Variants in RIMS4 observed in about 807,000 individuals in gnomAD.
RIMS4 encodes regulating synaptic membrane exocytosis protein 4.
Under a neutral mutation model 29.0 loss-of-function variants are expected in RIMS4, and 9 were observed. That is an observed-to-expected ratio of 0.31 (90% CI 0.19 to 0.54). The LOEUF is 0.54. Ranked by LOEUF, RIMS4 falls within the 20% of genes least tolerant of loss-of-function variation. The pLI, the probability that RIMS4 is intolerant of heterozygous loss-of-function variation, is 0.94. For missense variants in RIMS4, 193 were observed against 365.7 expected, an observed-to-expected ratio of 0.53 and a Z score of 3.85; for synonymous variants, 130 against 152.9, an observed-to-expected ratio of 0.85 and a Z score of 1.10.
chr20:44,789,225 G>A (rs1779938073), intron 1 of RIMS4, among the ~76,000 whole-genome samples: 1 of 152,204 alleles, frequency 6.6e-6, no homozygotes, highest in South Asian at 2.1e-4. Flanking sequence ...CAAATCAAGA[G>A]AGCATTTTGT....
Position 44,756,795 on chromosome 20 carries a change from C to T in RIMS4, c.591+103G>A, listed in dbSNP as rs1234070264. 2.6e-6 allele frequency: 3 copies of T among 1,175,820 alleles called. No individual in the cohort carries two copies. The African/African-American group carries it at 4.6e-5, about 18-fold the overall frequency. The allele number at this position is 1,175,820 out of a possible 1,614,324, so 72.8% of individuals were successfully genotyped here. A position where few individuals can be genotyped will look rare whatever the true frequency, so the allele number is the denominator to read the frequency against. On this transcript the variant is annotated intron_variant, in intron 5 of 5. Coordinates refer to ENST00000372851, the MANE Select transcript of RIMS4 (RefSeq NM_182970.4). The surrounding 1 kb of genome is among the most constrained non-coding windows in gnomAD (Gnocchi z 5.9). The stretch of plus-strand genomic sequence containing the variant: ...CCTCGCCTGTTTCCTCCAGGCGAGG[C>T]CCTCCAGAGACACCCCCCGCCAGGG...
chr20:44,808,152 TACACACACA>T (rs2066307319), intron 1 of RIMS4, among the ~76,000 whole-genome samples: 1 of 150,676 alleles, frequency 6.6e-6, no homozygotes, highest in African/African-American at 2.4e-5. Flanking sequence ...CTCACACAAA[TACACACACA>T]CCCCCATCCA....
intron 1 of RIMS4, among the ~76,000 whole-genome samples, chr20:44,799,545 T>G (rs2066268970): frequency 6.6e-6 from 1 of 152,096 alleles, no homozygotes; most frequent in South Asian, 2.1e-4. Flanking sequence ...GCTCAAGACA[T>G]TTGCTGAGGA....
intron 1 of RIMS4, among the ~76,000 whole-genome samples, chr20:44,784,509 T>C (rs2066199177): frequency 6.6e-6 from 1 of 152,222 alleles, no homozygotes; most frequent in Admixed American, 6.5e-5. Flanking sequence ...GATGTTGGCC[T>C]TAGGCAGCAC....
intron 1 of RIMS4, among the ~76,000 whole-genome samples, chr20:44,788,327 C>T (rs2066217691): frequency 6.6e-6 from 1 of 152,224 alleles, no homozygotes; most frequent in African/African-American, 2.4e-5. Flanking sequence ...TACAGTATCG[C>T]ACAGTGCAGG....
intron 1 of RIMS4, among the ~76,000 whole-genome samples, chr20:44,797,675 G>A (rs1433291092): frequency 2.0e-5 from 3 of 152,188 alleles, no homozygotes; most frequent in African/African-American, 7.2e-5. Context: ...CCTAAACTAG[G>A]AGAGCAGGGC....
intron 1 of RIMS4, among the ~76,000 whole-genome samples, chr20:44,785,029 T>C (rs2066201757): frequency 6.6e-6 from 1 of 152,244 alleles, no homozygotes; most frequent in African/African-American, 2.4e-5. Context: ...TGCTGGTCTG[T>C]GGCCCACACA....
chr20:44,761,872 A>G (rs1601019451), intron 2 of RIMS4, among the ~76,000 whole-genome samples: 1 of 152,218 alleles, frequency 6.6e-6, no homozygotes, highest in East Asian at 1.9e-4. Context: ...TGAAAAAATA[A>G]AGTCACGTAA....
At chr20:44,780,548 C>T (rs1305532957) in intron 1 of RIMS4, among the ~76,000 whole-genome samples, 2 of 152,210 alleles carry the variant, frequency 1.3e-5, no homozygotes, top group Admixed American at 6.5e-5. Flanking sequence ...TTCCATTTAT[C>T]GAGTTGAACC....
At position 44,787,023 on chromosome 20, in the gene RIMS4, A is replaced by G. The variant is rs115274911; in HGVS notation, c.98-15610T>C. On this transcript the variant is annotated intron_variant, in intron 1 of 5. Coordinates refer to ENST00000372851, the MANE Select transcript of RIMS4 (RefSeq NM_182970.4). ...AGCAAACATCAAGCCAGACAAATAC[A>G]GAAAGATAGAGAGGATGCTAGAAGG... Among the ~76,000 whole-genome samples, 771 of 152,350 alleles carry G rather than the reference A, an allele frequency of 5.1e-3. 4 individuals are homozygous for G. Among genetic ancestry groups the G allele is most frequent in the African/African-American group, 0.018 (732 of 41,574 alleles).
In RIMS4 at chr20:44,754,028, G is replaced by A. The variant is rs577572887; in HGVS notation, c.*2106C>T. 1 of 152,492 alleles carries A rather than the reference G, an allele frequency of 6.6e-6. No individual in the cohort carries two copies. The highest frequency in any genetic ancestry group is 2.4e-5 in the African/African-American group (1 of 41,586). 9.4% of individuals were successfully genotyped at this position (152,492 alleles called of 1,614,324 possible). On this transcript the variant is annotated 3_prime_UTR_variant, in exon 6 of 6. Transcript: ENST00000372851. ...AAAGCTACCCCTGAACAACCACAGC[G>A]GTGATGGCTGGAGAGAGAAGGCGCT...
At chr20:44,759,836 T>C (rs1168284524) in intron 2 of RIMS4, among the ~76,000 whole-genome samples, 3 of 152,242 alleles carry the variant, frequency 2.0e-5, no homozygotes, top group East Asian at 3.8e-4. Context: ...CCCTGAACCA[T>C]TTGAAGTCCC....
chr20:44,763,562 C>T lies in RIMS4; in HGVS notation c.237-5378G>A, dbSNP rs182216434. ...TGCAGCAGCGGGTCCCTTCCAGGGA[C>T]GTGTGCCACTTGGACAGGCGCAAAG... On this transcript the variant is annotated intron_variant, in intron 2 of 5. Transcript: ENST00000372851. Among the ~76,000 whole-genome samples, 39 of 152,326 alleles carry T rather than the reference C, an allele frequency of 2.6e-4. No homozygotes were observed. In the East Asian group the frequency reaches 5.0e-3, roughly 20 times the overall value.
chr20:44,788,136 A>G (rs1026835386), intron 1 of RIMS4, among the ~76,000 whole-genome samples: 4 of 152,230 alleles, frequency 2.6e-5, no homozygotes, highest in Non-Finnish European at 2.9e-5. Flanking sequence ...GGCTTCTCCA[A>G]TGGCATTTCT....
At chr20:44,806,166 C>T (rs2066297959) in intron 1 of RIMS4, among the ~76,000 whole-genome samples, 1 of 152,202 alleles carries the variant, frequency 6.6e-6, no homozygotes, top group Non-Finnish European at 1.5e-5. Flanking sequence ...ATGGGCAAAT[C>T]AGAGCTGGCT....
chr20:44,753,901 T>G lies in RIMS4; in HGVS notation c.*2233A>C, dbSNP rs549345331. 6.5e-6 allele frequency: 1 copy of G among 152,694 alleles called. No individual in the cohort carries two copies. Among genetic ancestry groups the G allele is most frequent in the Non-Finnish European group, 1.5e-5 (1 of 68,036 alleles). 9.5% of individuals were successfully genotyped at this position (152,694 alleles called of 1,614,324 possible). A position where few individuals can be genotyped will look rare whatever the true frequency, so the allele number is the denominator to read the frequency against. On this transcript the variant is annotated 3_prime_UTR_variant, in exon 6 of 6. Transcript: ENST00000372851. ...TGTTATTGCTTCGGAGCTCTCTCTCTCTTTATAAAGGCTGTGCAGACACCA... is the reference window on the plus strand; with the variant it reads ...TGTTATTGCTTCGGAGCTCTCTCTCGCTTTATAAAGGCTGTGCAGACACCA...
chr20:44,806,717 A>G (rs1295825485), intron 1 of RIMS4, among the ~76,000 whole-genome samples: 3 of 152,172 alleles, frequency 2.0e-5, no homozygotes, highest in African/African-American at 7.2e-5. Flanking sequence ...TCTGCACAGC[A>G]CAAACAGCAT....
intron 1 of RIMS4, among the ~76,000 whole-genome samples, chr20:44,791,071 G>A (rs1369168005): frequency 3.3e-5 from 5 of 152,164 alleles, no homozygotes; most frequent in African/African-American, 1.2e-4. Flanking sequence ...TGTGGAGACT[G>A]GCCTGTGAAG....
At chr20:44,775,600 G>A (rs1024901786) in intron 1 of RIMS4, among the ~76,000 whole-genome samples, 2 of 152,206 alleles carry the variant, frequency 1.3e-5, no homozygotes, top group African/African-American at 2.4e-5. Flanking sequence ...CGGGGCTGGG[G>A]CCACCCTTTC....
Sources: gnomAD v4.1 joint callset for allele counts (sites outside exome capture counted in the v4.1 genomes callset) on GRCh38, gnomAD v4.1.1 for gene constraint, Gnocchi (gnomAD v3.1) non-coding constraint, MANE v1.5 for transcripts, NCBI Gene and HGNC (gene_info 2026-07-23, HGNC 2026-07-21) for gene names.